Variants in TTLL12 observed in about 807,000 individuals in gnomAD.
TTLL12 encodes the protein tubulin tyrosine ligase like 12.
TTLL12 carries 77 observed loss-of-function variants against 79.6 expected under a neutral mutation model. That is an observed-to-expected ratio of 0.97 (90% CI 0.81 to 1.17). The LOEUF (loss-of-function observed/expected upper bound fraction) is 1.17, where lower values mean the gene tolerates loss of function less well. Among genes scored for constraint, TTLL12 ranks in the 50% most tolerant of loss-of-function variants. The probability of loss-of-function intolerance (pLI) is 0.00; values close to 1 mark genes in which losing one functional copy is unlikely to be tolerated. For synonymous variants in TTLL12, 437 were observed against 376.1 expected, an observed-to-expected ratio of 1.16 and a Z score of -1.87; for missense variants, 969 against 895.9, an observed-to-expected ratio of 1.08 and a Z score of -1.04.
rs780887034 is a variant in TTLL12, at chr22:43,179,918, G to C, written c.629C>G (p.Ala210Gly). ...RIQHADVPSF[A>G]TAPFFYMPQQ... ...CGGCATGTAGAAGAAGGGTGCCGTG[G>C]CGAAGCTGGGCACGTCCGCGTGCTG... The change falls in exon 4 of 14, where the codon GCC (alanine) becomes GGC (glycine). Residue 210 changes from alanine to glycine, a missense_variant. By Grantham distance (60) the Ala-to-Gly change is moderately conservative. Coordinates refer to ENST00000216129, the MANE Select transcript of TTLL12 (RefSeq NM_015140.4). 3 of 1,610,996 alleles carry C rather than the reference G, an allele frequency of 1.9e-6. No individual in the cohort carries two copies. The highest frequency in any genetic ancestry group is 2.5e-6 in the Non-Finnish European group (3 of 1,179,932).
intron 5 of TTLL12, among the ~76,000 whole-genome samples, chr22:43,178,643 G>C (rs1195237369): frequency 6.6e-6 from 1 of 152,022 alleles, no homozygotes; most frequent in Admixed American, 6.5e-5. Flanking sequence ...CTCTCACATG[G>C]GTCAACTCGT....
At chr22:43,185,464 G>C (rs1483656647) in intron 1 of TTLL12, among the ~76,000 whole-genome samples, 2 of 151,900 alleles carry the variant, frequency 1.3e-5, no homozygotes, top group Admixed American at 6.6e-5. Context: ...CTTCACTCAG[G>C]AAGAGCTGCA....
chr22:43,181,578 A>G (rs1029209568), intron 2 of TTLL12, among the ~76,000 whole-genome samples: 11 of 152,206 alleles, frequency 7.2e-5, no homozygotes, highest in African/African-American at 2.7e-4. Context: ...GGGCTGTGGC[A>G]CAGGATCAAC....
chr22:43,183,963 A>G (rs891423649), intron 1 of TTLL12, among the ~76,000 whole-genome samples: 19 of 152,388 alleles, frequency 1.2e-4, no homozygotes, highest in Admixed American at 1.2e-3. Context: ...CACAATGGGA[A>G]TAACAGAACC....
intron 2 of TTLL12, among the ~76,000 whole-genome samples, chr22:43,181,290 C>A (rs1293628004): frequency 2.0e-5 from 3 of 152,260 alleles, no homozygotes; most frequent in Admixed American, 6.5e-5. Flanking sequence ...AACACACCAG[C>A]AGTCACTAGC....
Position 43,166,969 on chromosome 22 carries a change from G to C in TTLL12, c.*1039C>G. 1 of 318,612 alleles carries C rather than the reference G, an allele frequency of 3.1e-6. No homozygotes were observed. Among genetic ancestry groups the C allele is most frequent in the East Asian group, 9.4e-5 (1 of 10,592 alleles). The allele number at this position is 318,612 out of a possible 1,614,324, so 19.7% of individuals were successfully genotyped here. ...AGGTCCACCCACTGCCCGTGAGCTG[G>C]GCCCAGGCACACTGCAGCCACACAA... On this transcript the variant is annotated 3_prime_UTR_variant, in exon 14 of 14. Transcript: ENST00000216129.
At chr22:43,175,606 G>A (rs1026079509) in intron 6 of TTLL12, 2 of 152,162 alleles carry the variant, frequency 1.3e-5, no homozygotes, top group Non-Finnish European at 2.9e-5. Flanking sequence ...CTGCCCAGGG[G>A]GCCCTTTACC....
chr22:43,174,049 G>A (rs1388837944), intron 8 of TTLL12, among the ~76,000 whole-genome samples, 160 bp downstream of exon 8: 1 of 152,222 alleles, frequency 6.6e-6, no homozygotes, highest in Non-Finnish European at 1.5e-5. Context: ...AACCTGGAGA[G>A]GTCCTGCGGT....
intron 2 of TTLL12, among the ~76,000 whole-genome samples, chr22:43,182,630 G>C (rs917476341): frequency 1.3e-5 from 2 of 152,208 alleles, no homozygotes; most frequent in African/African-American, 4.8e-5. Flanking sequence ...AGCAGGACCA[G>C]AGAGGGGCTG....
At position 43,180,883 on chromosome 22, in the gene TTLL12, C is replaced by A; in HGVS notation, c.405G>T (p.Leu135=). 6.2e-7 allele frequency: 1 copy of A among 1,612,878 alleles called. No individual in the cohort carries two copies. The highest frequency in any genetic ancestry group is 1.1e-5 in the South Asian group (1 of 91,078). ...GGTGCAGCAGCCCGGGCACCTGCTG[C>A]AGCTGCTGGCGCGCGTGCTCCACAC... The part of the protein sequence containing the change: ...TCRVEHARQQ[L]QQVPGLLHRM... Residue 135 remains leucine (L), a synonymous_variant, in exon 3 of 14, where the codon CTG becomes CTT. Transcript: ENST00000216129.
In TTLL12 at chr22:43,187,084, CG is replaced by C; in HGVS notation, c.-16del. On this transcript the variant is annotated 5_prime_UTR_variant, in exon 1 of 14. Coordinates refer to ENST00000216129, the MANE Select transcript of TTLL12 (RefSeq NM_015140.4). ...TCGGCCTCCATGGCGCCAGCACCCG[CG>C]CCGACTCCAGCGCCGCCACCGCCGC... 8.7e-7 allele frequency: 1 copy of C among 1,147,582 alleles called. No individual in the cohort carries two copies. Among genetic ancestry groups the C allele is most frequent in the Non-Finnish European group, 1.1e-6 (1 of 935,746 alleles). The allele number at this position is 1,147,582 out of a possible 1,614,324, so 71.1% of individuals were successfully genotyped here.
At chr22:43,173,269 C>T (rs1931811672) in intron 9 of TTLL12, among the ~76,000 whole-genome samples, 1 of 152,206 alleles carries the variant, frequency 6.6e-6, no homozygotes, top group Non-Finnish European at 1.5e-5. Flanking sequence ...GCAGCCATAC[C>T]TGGCACACTA....
intron 5 of TTLL12, 117 bp from the exon 6 acceptor site, chr22:43,176,513 T>G: frequency 1.2e-6 from 1 of 805,272 alleles, no homozygotes; most frequent in Non-Finnish European, 2.1e-6. Context: ...GTGGATCACG[T>G]GATGTCAGGA....
intron 1 of TTLL12, among the ~76,000 whole-genome samples, chr22:43,184,560 G>A (rs1270216282): frequency 6.6e-6 from 1 of 152,234 alleles, no homozygotes; most frequent in African/African-American, 2.4e-5. Flanking sequence ...AGATAGCCCA[G>A]GGTGGAGCAA....
intron 8 of TTLL12, 56 bp from the exon 9 acceptor site, chr22:43,173,882 G>T: frequency 1.3e-6 from 2 of 1,508,610 alleles, no homozygotes; most frequent in Non-Finnish European, 9.0e-7. Context: ...CCCAGATGGT[G>T]CCACCCCAGG....
chr22:43,173,508 G>C (rs950268394), intron 9 of TTLL12, among the ~76,000 whole-genome samples: 4 of 152,170 alleles, frequency 2.6e-5, no homozygotes, highest in African/African-American at 9.7e-5. Flanking sequence ...GTAGAAACGA[G>C]GTCTCCCTAT....
Position 43,175,007 on chromosome 22 carries a change from T to C in TTLL12, c.918-392A>G, listed in dbSNP as rs556432968. On this transcript the variant is annotated intron_variant, in intron 6 of 13. Transcript: ENST00000216129. ...ACACCAAGGGCCTCCGTGAGGCCTC[T>C]GCCCCAGAGGAGGTGGAGGGACCTT... 2.0e-5 allele frequency among the ~76,000 whole-genome samples: 3 copies of C among 152,374 alleles called. No individual in the cohort carries two copies. The South Asian group carries it at 6.2e-4, about 32-fold the overall frequency.
rs147506917 is a variant in TTLL12, at chr22:43,172,753, G to A, written c.1342-199C>T. ...TGTTCTGTTGCCCAAGCTGGAGTGC[G>A]GTGGCACAATGTTGGCTCACTGCAA... On this transcript the variant is annotated intron_variant, in intron 9 of 13. Coordinates refer to ENST00000216129, the MANE Select transcript of TTLL12 (RefSeq NM_015140.4). 3.8e-3 allele frequency among the ~76,000 whole-genome samples: 568 copies of A among 151,454 alleles called. 4 individuals are homozygous for A. The highest frequency in any genetic ancestry group is 0.013 in the African/African-American group (538 of 41,222).
intron 2 of TTLL12, among the ~76,000 whole-genome samples, 196 bp from the exon 3 acceptor site, chr22:43,181,136 G>A (rs1932046845): frequency 6.6e-6 from 1 of 152,176 alleles, no homozygotes; most frequent in African/African-American, 2.4e-5. Flanking sequence ...CTCACTCCCT[G>A]TGTGATCCTG....
Sources: allele counts gnomAD v4.1 joint callset (sites outside exome capture counted in the v4.1 genomes callset), GRCh38; gene constraint gnomAD v4.1.1; transcripts MANE v1.5; gene names NCBI Gene and HGNC (gene_info 2026-07-23, HGNC 2026-07-21).